The following ARID4B variants were observed in gnomAD, a reference collection of about 807,000 sequenced individuals.
ARID4B encodes the protein AT-rich interactive domain-containing protein 4B.
Under a neutral mutation model 147.5 loss-of-function variants are expected in ARID4B, and 26 were observed. The ratio of observed to expected loss-of-function variants is 0.18; its 90% CI spans 0.13 to 0.24. The LOEUF (loss-of-function observed/expected upper bound fraction) is 0.24, where lower values mean the gene tolerates loss of function less well. Ranked by LOEUF, ARID4B falls within the 10% of genes least tolerant of loss-of-function variation. The probability of loss-of-function intolerance (pLI) is 1.00; values close to 1 mark genes in which losing one functional copy is unlikely to be tolerated. For synonymous variants in ARID4B, 512 were observed against 507.9 expected, an observed-to-expected ratio of 1.01 and a Z score of -0.11; for missense variants, 1,179 against 1,511.5, an observed-to-expected ratio of 0.78 and a Z score of 3.65.
chr1:235,280,878 G>A (rs1299668298), intron 2 of ARID4B, among the ~76,000 whole-genome samples: 2 of 151,968 alleles, frequency 1.3e-5, no homozygotes, highest in African/African-American at 2.4e-5. Context: ...ACCCGAGCAC[G>A]TTTTTTGAAA....
At chr1:235,245,033 A>G (rs566764317) in intron 7 of ARID4B, among the ~76,000 whole-genome samples, 2 of 152,192 alleles carry the variant, frequency 1.3e-5, no homozygotes, top group Admixed American at 6.5e-5. Context: ...AGAGAAGGGC[A>G]AGGAAGAGCA....
chr1:235,276,504 A>T (rs1671324533), intron 2 of ARID4B, among the ~76,000 whole-genome samples: 1 of 152,162 alleles, frequency 6.6e-6, no homozygotes, highest in Admixed American at 6.5e-5. Flanking sequence ...GAAAAAATAA[A>T]GCAAGAATAC....
At chr1:235,198,697 G>A (rs1346209928) in intron 17 of ARID4B, among the ~76,000 whole-genome samples, 1 of 152,206 alleles carries the variant, frequency 6.6e-6, no homozygotes, top group Non-Finnish European at 1.5e-5. Context: ...GTGTGTTGGA[G>A]CAGGCAGGAC....
intron 17 of ARID4B, among the ~76,000 whole-genome samples, chr1:235,209,005 T>C (rs1470563244): frequency 6.6e-6 from 1 of 152,218 alleles, no homozygotes; most frequent in African/African-American, 2.4e-5. Context: ...AAGAGTATTA[T>C]AATATTTGTG....
At chr1:235,305,760 A>T (rs1386455192) in intron 2 of ARID4B, among the ~76,000 whole-genome samples, 4 of 152,140 alleles carry the variant, frequency 2.6e-5, no homozygotes, top group Non-Finnish European at 5.9e-5. Flanking sequence ...GGAGTTCAAG[A>T]TCAGCCTAGG....
chr1:235,202,850 G>T (rs146467305), intron 17 of ARID4B, among the ~76,000 whole-genome samples: 4 of 151,856 alleles, frequency 2.6e-5, no homozygotes, highest in Non-Finnish European at 5.9e-5. Flanking sequence ...ACACCTGGCC[G>T]TAGAATGAAA....
chr1:235,225,846 T>C (rs763727485), intron 11 of ARID4B, among the ~76,000 whole-genome samples: 57 of 152,362 alleles, frequency 3.7e-4, no homozygotes, highest in Admixed American at 1.1e-3. Context: ...GGTAATTTTT[T>C]TTTTAAAGCC....
intron 17 of ARID4B, among the ~76,000 whole-genome samples, chr1:235,203,574 CATCT>C (rs1558197673): frequency 6.6e-6 from 1 of 152,034 alleles, no homozygotes. Flanking sequence ...ATGTTAAAAT[CATCT>C]ATATTTTGCT....
intron 13 of ARID4B, among the ~76,000 whole-genome samples, chr1:235,221,998 C>T (rs1420120735): frequency 7.2e-6 from 1 of 139,008 alleles, no homozygotes; most frequent in Non-Finnish European, 1.5e-5. Flanking sequence ...CAGCCCTGAA[C>T]TTCCGGGCTC....
chr1:235,298,708 C>G (rs1043701957), intron 2 of ARID4B, among the ~76,000 whole-genome samples: 6 of 151,902 alleles, frequency 3.9e-5, no homozygotes, highest in African/African-American at 1.5e-4. Flanking sequence ...TTTCATTCTA[C>G]TTCAATTTTA....
In ARID4B at chr1:235,167,302, A is replaced by G. The variant is rs149314566; in HGVS notation, c.*1223T>C. 1.4e-3 allele frequency: 313 copies of G among 219,456 alleles called. 2 individuals are homozygous for G. Among genetic ancestry groups the G allele is most frequent in the African/African-American group, 6.7e-3 (299 of 44,702 alleles). The allele number at this position is 219,456 out of a possible 1,614,324, so 13.6% of individuals were successfully genotyped here. ...AAAACAGTAAAACAGTCTGTACAAT[A>G]AAGTACTGTGTATTAACAGTGCCAG... On this transcript the variant is annotated 3_prime_UTR_variant, in exon 24 of 24. Transcript: ENST00000264183.
chr1:235,234,621 GGC>G, intron 8 of ARID4B, 129 bp from the exon 9 acceptor site: 2 of 583,398 alleles, frequency 3.4e-6, no homozygotes, highest in Non-Finnish European at 5.9e-6. Flanking sequence ...AGGGTAAACA[GGC>G]ACACACACAC....
chr1:235,220,178 T>C (rs1337710525), intron 15 of ARID4B, 124 bp downstream of exon 15: 6 of 958,750 alleles, frequency 6.3e-6, no homozygotes, highest in African/African-American at 5.1e-5. Flanking sequence ...AAAGTAGCAC[T>C]TAATGAAGAA....
At chr1:235,184,831 G>A (rs1486528981) in intron 19 of ARID4B, among the ~76,000 whole-genome samples, 1 of 151,782 alleles carries the variant, frequency 6.6e-6, no homozygotes, top group East Asian at 1.9e-4. Context: ...ATTTTTTTGT[G>A]TGTGTGACGG....
At chr1:235,303,095 T>C (rs1437771871) in intron 2 of ARID4B, among the ~76,000 whole-genome samples, 1 of 152,084 alleles carries the variant, frequency 6.6e-6, no homozygotes, top group Non-Finnish European at 1.5e-5. Context: ...GGCTAATTTT[T>C]TGTATTTTTA....
Position 235,283,868 on chromosome 1 carries a change from G to A in ARID4B, c.7-23116C>T, listed in dbSNP as rs571996776. On this transcript the variant is annotated intron_variant, in intron 2 of 23. Transcript: ENST00000264183. ...TCATGCCTCAGCCTCCCGAGTAGCT[G>A]GGATTACAGACATGCGCCACCACAC... Among the ~76,000 whole-genome samples the A allele has an allele frequency of 1.0e-3, 155 of 152,100 alleles. 1 individual carries two copies. The highest frequency in any genetic ancestry group is 6.8e-3 in the Middle Eastern group (2 of 294).
At position 235,252,660 on chromosome 1, in the gene ARID4B, G is replaced by C. The variant is rs548196692; in HGVS notation, c.354+70C>G. The C allele has an allele frequency of 1.1e-3, 1,617 of 1,418,742 alleles. 3 individuals carry two copies. Among genetic ancestry groups the C allele is most frequent in the Non-Finnish European group, 1.4e-3 (1,440 of 1,020,074 alleles). The allele number at this position is 1,418,742 out of a possible 1,614,324, so 87.9% of individuals were successfully genotyped here. ...GATTAGGAAGTAGGTTTACTGAGTT[G>C]AGAAAGCAAAAATTTATTCCTCCCA... On this transcript the variant is annotated intron_variant, in intron 6 of 23. Coordinates refer to ENST00000264183, the MANE Select transcript of ARID4B (RefSeq NM_016374.6).
At chr1:235,236,834 ATATATATAT>A (rs1359360591) in intron 8 of ARID4B, among the ~76,000 whole-genome samples, 3 of 21,162 alleles carry the variant, frequency 1.4e-4, no homozygotes, top group Non-Finnish European at 2.4e-4. Context: ...TTTATAAAAA[ATATATATAT>A]ATATATATAT....
At chr1:235,321,312 C>T (rs1369645932) in intron 2 of ARID4B, among the ~76,000 whole-genome samples, 1 of 152,040 alleles carries the variant, frequency 6.6e-6, no homozygotes, top group East Asian at 1.9e-4. Flanking sequence ...ATCTTAAATC[C>T]CTTCAAATAT....
Sources: gnomAD v4.1 joint callset for allele counts (sites outside exome capture counted in the v4.1 genomes callset) on GRCh38, gnomAD v4.1.1 for gene constraint, MANE v1.5 for transcripts, NCBI Gene and HGNC (gene_info 2026-07-23, HGNC 2026-07-21) for gene names.